The following FSCN1 variants were observed in gnomAD, a reference collection of about 807,000 sequenced individuals.
FSCN1 encodes fascin actin-bundling protein 1, also known as fascin.
A neutral mutation model predicts 39.7 loss-of-function variants in FSCN1; 10 were observed. That is an observed-to-expected ratio of 0.25 (90% confidence interval 0.16 to 0.43). The LOEUF is 0.43. FSCN1 is among the 20% of genes least tolerant of loss of function. The probability of loss-of-function intolerance (pLI) is 1.00; values close to 1 mark genes in which losing one functional copy is unlikely to be tolerated. For missense variants in FSCN1, 525 were observed against 723.8 expected (o/e 0.73, Z 3.15); for synonymous variants, 322 against 320.0 (o/e 1.01, Z -0.07).
chr7:5,603,451 C>G lies in FSCN1; in HGVS notation c.989+38C>G. On this transcript the variant is annotated intron_variant, in intron 2 of 4. Transcript: ENST00000382361. The surrounding 1 kb of genome is among the most constrained non-coding windows in gnomAD (Gnocchi z 8.5). ...CTCCCACCTGTCACCGCCCCCACCA[C>G]CTTGCCTGGGCTACCCCGCCTGACC... The G allele has an allele frequency of 6.2e-7, 1 of 1,613,980 alleles. No homozygotes were observed.
chr7:5,603,108 C>A lies in FSCN1; in HGVS notation c.833-149C>A. 2.5e-6 allele frequency: 2 copies of A among 811,704 alleles called. No individual in the cohort carries two copies. The highest frequency in any genetic ancestry group is 4.0e-6 in the Non-Finnish European group (2 of 502,066). The allele number at this position is 811,704 out of a possible 1,614,324, so 50.3% of individuals were successfully genotyped here. ...CTGCGTTCCTGGGTGCTCTCTGCTG[C>A]TTCTCATGTGTGCCACTGTGGGGAC... On this transcript the variant is annotated intron_variant, in intron 1 of 4. Coordinates refer to ENST00000382361, the MANE Select transcript of FSCN1 (RefSeq NM_003088.4). This position sits in a 1 kb window ranked among gnomAD's most constrained non-coding sequence, Gnocchi z 8.5.
chr7:5,594,464 G>C (rs1584297762), intron 1 of FSCN1: 2 of 152,424 alleles, frequency 1.3e-5, no homozygotes, highest in Admixed American at 6.5e-5. Flanking sequence ...GGGTCGCCTC[G>C]ACTGGGTCCT....
chr7:5,604,261 GGT>G (rs1785889002), intron 4 of FSCN1, among the ~76,000 whole-genome samples: 1 of 151,914 alleles, frequency 6.6e-6, no homozygotes, highest in Non-Finnish European at 1.5e-5. Flanking sequence ...CTGACAGAGA[GGT>G]GTGTGGAGGG....
At chr7:5,598,354 C>G (rs966695165) in intron 1 of FSCN1, among the ~76,000 whole-genome samples, 1 of 152,226 alleles carries the variant, frequency 6.6e-6, no homozygotes, top group Non-Finnish European at 1.5e-5. Context: ...GCCCTGGGCC[C>G]AGGAATGGCT....
intron 1 of FSCN1, among the ~76,000 whole-genome samples, chr7:5,598,634 C>T (rs1283989992): frequency 1.3e-5 from 2 of 152,220 alleles, no homozygotes; most frequent in African/African-American, 4.8e-5. Flanking sequence ...AATGTGGTTT[C>T]TGTTCCACTG....
intron 4 of FSCN1, among the ~76,000 whole-genome samples, chr7:5,604,381 G>A (rs1785894224): frequency 6.6e-6 from 1 of 152,098 alleles, no homozygotes; most frequent in Non-Finnish European, 1.5e-5. Flanking sequence ...GAAAGGGTGT[G>A]CAGGGGAGGA....
At chr7:5,602,355 T>C (rs1460462064) in intron 1 of FSCN1, among the ~76,000 whole-genome samples, 1 of 152,026 alleles carries the variant, frequency 6.6e-6, no homozygotes, top group Non-Finnish European at 1.5e-5. Context: ...ATAAGTTTTC[T>C]AAAGGAAAGG....
Position 5,603,945 on chromosome 7 carries a change from C to T in FSCN1, c.1194C>T (p.Arg398=). The T allele has an allele frequency of 1.2e-6, 2 of 1,614,076 alleles. No individual in the cohort carries two copies. The highest frequency in any genetic ancestry group is 3.3e-5 in the Admixed American group (2 of 60,030). The change falls in exon 4 of 5, where the codon CGC becomes CGT. Residue 398 remains arginine, a synonymous_variant. Coordinates refer to ENST00000382361, the MANE Select transcript of FSCN1 (RefSeq NM_003088.4). The surrounding 1 kb of genome is among the most constrained non-coding windows in gnomAD (Gnocchi z 8.5). Reference sequence around the variant, plus strand: ...GGGAGCATGGCTTCATCGGCTGCCGCAAGGTCACGGGCACCCTGGACGCCA... The same window carrying T: ...GGGAGCATGGCTTCATCGGCTGCCGTAAGGTCACGGGCACCCTGGACGCCA... ...FRGEHGFIGC[R]KVTGTLDANR... is the part of the protein sequence containing the mutation.
rs888033126 is a variant in FSCN1 at position 5,599,002 on chromosome 7, G to A, written c.833-4255G>A. Among the ~76,000 whole-genome samples the A allele has an allele frequency of 6.6e-6, 1 of 152,222 alleles. No individual in the cohort carries two copies. The highest frequency in any genetic ancestry group is 1.5e-5 in the Non-Finnish European group (1 of 68,020). Reference sequence around the variant, plus strand: ...GGCTCCCTGCAGCCCTGCGGCTTCTGTGCAGTGGGGGTGGGGCGGGCCAGA... The same window carrying A: ...GGCTCCCTGCAGCCCTGCGGCTTCTATGCAGTGGGGGTGGGGCGGGCCAGA... On this transcript the variant is annotated intron_variant, in intron 1 of 4. Transcript: ENST00000382361. This position sits in a 1 kb window ranked among gnomAD's most constrained non-coding sequence, Gnocchi z 5.6.
chr7:5,597,436 T>A (rs852483), intron 1 of FSCN1, among the ~76,000 whole-genome samples: 3 of 151,478 alleles, frequency 2.0e-5, no homozygotes, highest in Non-Finnish European at 2.9e-5. Flanking sequence ...GAGTCCAAGG[T>A]GGGTGGATCA....
intron 4 of FSCN1, among the ~76,000 whole-genome samples, chr7:5,604,544 C>T (rs183533746): frequency 9.2e-5 from 14 of 152,268 alleles, no homozygotes; most frequent in African/African-American, 1.7e-4. Context: ...TCTCGGCTCA[C>T]TGCAACCTCT....
rs1584297214 is a variant in FSCN1 at position 5,593,972 on chromosome 7, A to G, written c.832+204A>G. On this transcript the variant is annotated intron_variant, in intron 1 of 4. Coordinates refer to ENST00000382361, the MANE Select transcript of FSCN1 (RefSeq NM_003088.4). ...TGCCCATCCTCGGGTGCCGCTGCCC[A>G]CCTCCCACCCCGGGCTGGGATCATG... 2.3e-5 allele frequency: 12 copies of G among 524,298 alleles called. No homozygotes were observed. The South Asian group carries it at 2.9e-4, about 12-fold the overall frequency. The allele number at this position is 524,298 out of a possible 1,614,324, so 32.5% of individuals were successfully genotyped here.
rs960567612 is a variant in FSCN1 at position 5,603,731 on chromosome 7, G to A, written c.1111+114G>A. ...CCTGCTCTGTGCTGGGCATCCCCCC[G>A]GACTGGCCCCGCACTGTCCTACCCT... On this transcript the variant is annotated intron_variant, in intron 3 of 4. Transcript: ENST00000382361. The surrounding 1 kb of genome is among the most constrained non-coding windows in gnomAD (Gnocchi z 8.5). 48 of 1,529,970 alleles carry A rather than the reference G, an allele frequency of 3.1e-5. No individual in the cohort carries two copies. Among genetic ancestry groups the A allele is most frequent in the African/African-American group, 9.6e-5 (7 of 72,848 alleles). 94.8% of individuals were successfully genotyped at this position (1,529,970 alleles called of 1,614,324 possible). A position where few individuals can be genotyped will look rare whatever the true frequency, so the allele number is the denominator to read the frequency against.
chr7:5,594,086 G>T (rs1019037964), intron 1 of FSCN1: 3 of 318,990 alleles, frequency 9.4e-6, no homozygotes, highest in African/African-American at 8.5e-5. Context: ...CACGCGCGCT[G>T]ATCCCTCGGA....
At chr7:5,593,871 G>GA in intron 1 of FSCN1, 103 bp downstream of exon 1, 1 of 829,330 alleles carries the variant, frequency 1.2e-6, no homozygotes, top group Non-Finnish European at 1.8e-6. Flanking sequence ...GCGCCGCTGC[G>GA]GTCCGGAGCA....
intron 1 of FSCN1, among the ~76,000 whole-genome samples, chr7:5,596,980 G>T (rs852486): frequency 0.067 from 10,227 of 152,238 alleles, 670 homozygotes; most frequent in African/African-American, 0.17. Context: ...GACCGTTAAG[G>T]CCTGGGGGTG....
rs898876374 is a variant in FSCN1, at chr7:5,605,194, C to A, written c.1280-78C>A. The stretch of plus-strand genomic sequence containing the variant: ...GGTGGGGCGTCACCCTTGGGAACAC[C>A]CGTGCCCACCCTCCGCTGCCCAGGG... On this transcript the variant is annotated intron_variant, in intron 4 of 4. Coordinates refer to ENST00000382361, the MANE Select transcript of FSCN1 (RefSeq NM_003088.4). The surrounding 1 kb of genome is among the most constrained non-coding windows in gnomAD (Gnocchi z 6.9). 2.7e-6 allele frequency: 3 copies of A among 1,105,852 alleles called. No homozygotes were observed. The highest frequency in any genetic ancestry group is 3.1e-5 in the African/African-American group (2 of 65,246). 68.5% of individuals were successfully genotyped at this position (1,105,852 alleles called of 1,614,324 possible).
Position 5,605,430 on chromosome 7 carries a change from G to C in FSCN1, c.1438G>C (p.Ala480Pro). The C allele has an allele frequency of 6.2e-7, 1 of 1,608,540 alleles. No individual in the cohort carries two copies. The change falls in exon 5 of 5, where the codon GCC becomes CCC. Residue 480 changes from alanine (A) to proline (P), a missense_variant. Physicochemically the swap from Ala to Pro is conservative, Grantham distance 27 (BLOSUM62 -1). Around this residue, in one of 3 missense-constraint regions of FSCN1, gnomAD observed 275 missense variants for 351.9 expected, o/e 0.78. Transcript: ENST00000382361. The surrounding 1 kb of genome is among the most constrained non-coding windows in gnomAD (Gnocchi z 6.9). ...GGGCGACCACGCAGGCGTCCTGAAG[G>C]CCTCGGCGGAAACCGTGGACCCCGC... ...LKGDHAGVLK[A>P]SAETVDPASL...
At chr7:5,595,615 G>C (rs564588997) in intron 1 of FSCN1, among the ~76,000 whole-genome samples, 17 of 152,316 alleles carry the variant, frequency 1.1e-4, no homozygotes, top group East Asian at 3.9e-4. Flanking sequence ...GTATGGGGGG[G>C]GTGCTGTGTG....
Sources: allele counts gnomAD v4.1 joint callset (sites outside exome capture counted in the v4.1 genomes callset), GRCh38; gene constraint gnomAD v4.1.1; regional missense constraint gnomAD v4.1.1; non-coding constraint Gnocchi (gnomAD v3.1); transcripts MANE v1.5; gene names NCBI Gene and HGNC (gene_info 2026-07-23, HGNC 2026-07-21).